Variants in JAM3 observed in about 807,000 individuals in gnomAD.
JAM3 encodes junctional adhesion molecule 3, also known as junctional adhesion molecule C.
A neutral mutation model predicts 39.4 loss-of-function variants in JAM3; 31 were observed. The ratio of observed to expected loss-of-function variants is 0.79; its 90% CI spans 0.59 to 1.06. JAM3 has a LOEUF of 1.06. Ranked by LOEUF, JAM3 falls within the 50% of genes least tolerant of loss-of-function variation. The pLI is 0.00. For synonymous variants in JAM3, 182 were observed against 148.7 expected, an observed-to-expected ratio of 1.22 and a Z score of -1.63; for missense variants, 455 against 391.4, an observed-to-expected ratio of 1.16 and a Z score of -1.37.
chr11:134,108,131 T>C (rs1168450216), intron 1 of JAM3, among the ~76,000 whole-genome samples: 3 of 151,942 alleles, frequency 2.0e-5, no homozygotes, highest in Non-Finnish European at 4.4e-5. Flanking sequence ...TATAAACACA[T>C]TAAAAGAATG....
chr11:134,093,603 T>C (rs1048598393), intron 1 of JAM3, among the ~76,000 whole-genome samples: 1 of 124,046 alleles, frequency 8.1e-6, no homozygotes, highest in African/African-American at 3.4e-5. Flanking sequence ...TTATTCATCA[T>C]GTTCCACCTT....
At chr11:134,080,832 C>T (rs1447706557) in intron 1 of JAM3, among the ~76,000 whole-genome samples, 1 of 152,056 alleles carries the variant, frequency 6.6e-6, no homozygotes, top group Non-Finnish European at 1.5e-5. Context: ...GTTTGGAGGG[C>T]TCAGAAGAAG....
At chr11:134,143,081 C>A (rs1943005007) in intron 3 of JAM3, among the ~76,000 whole-genome samples, 1 of 152,076 alleles carries the variant, frequency 6.6e-6, no homozygotes, top group Non-Finnish European at 1.5e-5. Context: ...TTGTGTGAAC[C>A]TAAGTTTTCA....
chr11:134,121,502 T>C (rs548703537), intron 1 of JAM3, among the ~76,000 whole-genome samples: 1 of 152,092 alleles, frequency 6.6e-6, no homozygotes, highest in South Asian at 2.1e-4. Context: ...ATGTAAAACA[T>C]GTTTTGTTGT....
intron 1 of JAM3, among the ~76,000 whole-genome samples, chr11:134,131,304 A>G (rs1004274726): frequency 2.6e-5 from 4 of 152,030 alleles, no homozygotes; most frequent in Non-Finnish European, 4.4e-5. Context: ...AGTCTTGATT[A>G]TACTCTTATA....
At chr11:134,110,650 G>A in intron 1 of JAM3, among the ~76,000 whole-genome samples, 1 of 152,062 alleles carries the variant, frequency 6.6e-6, no homozygotes, top group East Asian at 1.9e-4. Context: ...GGGTGAATAA[G>A]GAAGGAAGGG....
intron 1 of JAM3, among the ~76,000 whole-genome samples, chr11:134,131,921 A>T (rs996344083): frequency 3.3e-5 from 5 of 152,228 alleles, no homozygotes; most frequent in African/African-American, 1.2e-4. Context: ...GGAAGGAAGA[A>T]AAGTGAACAG....
At chr11:134,120,888 TTA>T (rs1030674314) in intron 1 of JAM3, among the ~76,000 whole-genome samples, 1 of 152,338 alleles carries the variant, frequency 6.6e-6, no homozygotes, top group African/African-American at 2.4e-5. Flanking sequence ...TAATAATATT[TTA>T]TGTTAGTTCT....
chr11:134,087,891 T>G (rs1941770768), intron 1 of JAM3, among the ~76,000 whole-genome samples: 1 of 152,238 alleles, frequency 6.6e-6, no homozygotes, highest in African/African-American at 2.4e-5. Flanking sequence ...GATAATTTTT[T>G]GTTATGGAGG....
chr11:134,084,867 C>T (rs1246644177), intron 1 of JAM3, among the ~76,000 whole-genome samples: 1 of 152,208 alleles, frequency 6.6e-6, no homozygotes, highest in Non-Finnish European at 1.5e-5. Flanking sequence ...CTCTGTCATA[C>T]TTCTCTTTAT....
intron 1 of JAM3, among the ~76,000 whole-genome samples, chr11:134,132,845 G>T (rs371316314): frequency 2.0e-5 from 3 of 152,106 alleles, no homozygotes; most frequent in Non-Finnish European, 4.4e-5. Context: ...AGACTTGTTG[G>T]CACTGAGCCT....
chr11:134,096,908 T>G (rs1941994762), intron 1 of JAM3, among the ~76,000 whole-genome samples: 1 of 152,212 alleles, frequency 6.6e-6, no homozygotes, highest in Admixed American at 6.5e-5. Flanking sequence ...ATCTTTAATT[T>G]GGTTTATTAT....
At chr11:134,135,314 C>T (rs892423102) in intron 1 of JAM3, among the ~76,000 whole-genome samples, 1 of 152,130 alleles carries the variant, frequency 6.6e-6, no homozygotes, top group Non-Finnish European at 1.5e-5. Context: ...TGTGGAAAAT[C>T]ACTTGACCAT....
At chr11:134,101,246 A>G (rs543925971) in intron 1 of JAM3, among the ~76,000 whole-genome samples, 1 of 152,240 alleles carries the variant, frequency 6.6e-6, no homozygotes, top group Non-Finnish European at 1.5e-5. Context: ...CATTTATAGA[A>G]TGGTACTGTC....
chr11:134,098,046 C>T (rs1942013659), intron 1 of JAM3, among the ~76,000 whole-genome samples: 1 of 152,100 alleles, frequency 6.6e-6, no homozygotes, highest in Admixed American at 6.6e-5. Context: ...ATCTCCTTTT[C>T]TGCTTAGTTC....
chr11:134,083,689 A>G (rs1941703036), intron 1 of JAM3, among the ~76,000 whole-genome samples: 1 of 152,152 alleles, frequency 6.6e-6, no homozygotes, highest in Admixed American at 6.5e-5. Context: ...AACCTCTTCT[A>G]ATGAAACCTT....
At chr11:134,098,727 C>T (rs1481080564) in intron 1 of JAM3, among the ~76,000 whole-genome samples, 1 of 152,152 alleles carries the variant, frequency 6.6e-6, no homozygotes, top group African/African-American at 2.4e-5. Context: ...AGGTATACTG[C>T]ACTTCCTAAG....
intron 1 of JAM3, among the ~76,000 whole-genome samples, chr11:134,106,499 G>C (rs913481100): frequency 3.3e-5 from 5 of 152,148 alleles, no homozygotes; most frequent in Non-Finnish European, 7.3e-5. Context: ...TGACAGATGG[G>C]ATCTAATTAA....
intron 1 of JAM3, among the ~76,000 whole-genome samples, chr11:134,136,600 C>T (rs1174351217): frequency 6.6e-6 from 1 of 152,156 alleles, no homozygotes; most frequent in Non-Finnish European, 1.5e-5. Context: ...GATGTAGTGC[C>T]CAGCCATTGC....
Sources: gnomAD v4.1 joint callset for allele counts (sites outside exome capture counted in the v4.1 genomes callset) on GRCh38, gnomAD v4.1.1 for gene constraint, MANE v1.5 for transcripts, NCBI Gene and HGNC (gene_info 2026-07-23, HGNC 2026-07-21) for gene names.